POLR1C: variants seen among roughly 807,000 people sequenced by gnomAD.
The protein encoded by POLR1C is DNA-directed RNA polymerases I and III subunit RPAC1.
Under a neutral mutation model 38.3 loss-of-function variants are expected in POLR1C, and 42 were observed. That is an observed-to-expected ratio of 1.10 (90% CI 0.86 to 1.42). POLR1C has a LOEUF of 1.42. Ranked by LOEUF, POLR1C falls within the 40% of genes most tolerant of loss-of-function variation. The pLI, the probability that POLR1C is intolerant of heterozygous loss-of-function variation, is 0.00. For synonymous variants in POLR1C, 163 were observed against 163.9 expected (o/e 0.99, Z 0.04); for missense variants, 507 against 450.5 (o/e 1.13, Z -1.14).
At chr6:43,539,587 G>A in intron 9 of POLR1C, 1 of 1,369,658 alleles carries the variant, frequency 7.3e-7, no homozygotes, top group Non-Finnish European at 1.0e-6. Context: ...CCGGTCCACG[G>A]CTGCGACCCC....
intron 9 of POLR1C, among the ~76,000 whole-genome samples, chr6:43,550,746 CT>C (rs1300836655): frequency 6.6e-6 from 1 of 152,170 alleles, no homozygotes; most frequent in African/African-American, 2.4e-5. Context: ...AATACTCATG[CT>C]TTCTCTTCTT....
chr6:43,517,140 C>T lies in POLR1C; in HGVS notation c.31C>T (p.Arg11Trp), dbSNP rs1456986600. Residue 11 changes from arginine (R) to tryptophan (W), a missense_variant, in exon 1 of 9, where the codon CGG (arginine) becomes TGG (tryptophan). Arg to Trp is a moderately radical substitution (Grantham distance 101). Coordinates refer to ENST00000642195, the MANE Select transcript of POLR1C (RefSeq NM_203290.4). The part of the protein sequence containing the change: MAASQAVEEM[R>W]SRVVLGEFGV... ...GGCTTCTCAGGCGGTGGAGGAAATG[C>T]GGAGCCGCGTGGTTCTGGGGGAGTT... 1.9e-6 allele frequency: 3 copies of T among 1,614,112 alleles called. No homozygotes were observed. In the East Asian group the frequency reaches 6.7e-5, roughly 36 times the overall value.
At chr6:43,517,634 T>C (rs1397829912) in intron 2 of POLR1C, among the ~76,000 whole-genome samples, 1 of 152,036 alleles carries the variant, frequency 6.6e-6, no homozygotes, top group Non-Finnish European at 1.5e-5. Context: ...TTGATAGCGA[T>C]GAAGACGGCA....
At chr6:43,520,235 G>A (rs989283512) in intron 5 of POLR1C, 40 bp from the exon 6 acceptor site, 4 of 1,613,884 alleles carry the variant, frequency 2.5e-6, no homozygotes, top group Middle Eastern at 1.6e-4. Flanking sequence ...GTAGCTGCTA[G>A]TTTTAGGGAC....
intron 2 of POLR1C, among the ~76,000 whole-genome samples, chr6:43,517,602 T>G (rs1204469103): frequency 6.6e-6 from 1 of 152,012 alleles, no homozygotes; most frequent in African/African-American, 2.4e-5. Flanking sequence ...ACAGTGAATC[T>G]AGTGTAATAT....
At chr6:43,528,209 G>A (rs1199499710) in intron 8 of POLR1C, 2 of 1,588,712 alleles carry the variant, frequency 1.3e-6, no homozygotes, top group Admixed American at 1.8e-5. Flanking sequence ...AAAGCCTCTG[G>A]GAAAACACAA....
At position 43,519,470 on chromosome 6, in the gene POLR1C, G is replaced by A. The variant is rs569820261; in HGVS notation, c.249+30G>A. The stretch of plus-strand genomic sequence containing the variant: ...TGGCAGGCATGGTGACAAGGCTGGA[G>A]TTGCTTTGGGAACTGCACTGACACC... On this transcript the variant is annotated intron_variant, in intron 3 of 8. Coordinates refer to ENST00000642195, the MANE Select transcript of POLR1C (RefSeq NM_203290.4). 6 of 1,529,100 alleles carry A rather than the reference G, an allele frequency of 3.9e-6. No individual in the cohort carries two copies. In the Admixed American group the frequency reaches 1.0e-4, roughly 26 times the overall value. The allele number at this position is 1,529,100 out of a possible 1,614,324, so 94.7% of individuals were successfully genotyped here. A position where few individuals can be genotyped will look rare whatever the true frequency, so the allele number is the denominator to read the frequency against.
rs1225523501 is a variant in POLR1C at position 43,534,625 on chromosome 6, G to A, written c.*4+5266G>A. Among the ~76,000 whole-genome samples, 6 of 152,250 alleles carry A rather than the reference G, an allele frequency of 3.9e-5. No individual in the cohort carries two copies. The East Asian group carries it at 1.2e-3, about 29-fold the overall frequency. On this transcript the variant is annotated intron_variant, in intron 9 of 10. Coordinates refer to the POLR1C transcript ENST00000607635. ...AATGACCCCACTGAACAAACTGATG[G>A]CTACACGTTTAAGATGCAAACTGAA... is the stretch of plus-strand genomic sequence containing the variant.
downstream of POLR1C, chr6:43,526,104 G>A (rs1411192909): frequency 6.7e-6 from 4 of 601,450 alleles, no homozygotes; most frequent in African/African-American, 7.4e-5. Context: ...TTCTAGAGAT[G>A]CACTCAAGCT....
chr6:43,556,469 T>C (rs1172366517), intron 10 of POLR1C, among the ~76,000 whole-genome samples: 2 of 148,622 alleles, frequency 1.3e-5, no homozygotes, highest in African/African-American at 5.0e-5. Flanking sequence ...AAGATTGTAG[T>C]GAGCCATGAT....
intron 8 of POLR1C, among the ~76,000 whole-genome samples, chr6:43,527,987 C>T (rs922331681): frequency 6.6e-6 from 1 of 152,198 alleles, no homozygotes; most frequent in African/African-American, 2.4e-5. Flanking sequence ...ATCTCAGAGT[C>T]TGCCTGCTGG....
At chr6:43,560,504 C>T (rs933563938) in intron 10 of POLR1C, among the ~76,000 whole-genome samples, 1 of 152,104 alleles carries the variant, frequency 6.6e-6, no homozygotes, top group African/African-American at 2.4e-5. Context: ...AAGGAAATTA[C>T]CTGGAATGTG....
At chr6:43,534,193 A>T (rs1794173409), downstream of POLR1C, among the ~76,000 whole-genome samples, 1 of 152,186 alleles carries the variant, frequency 6.6e-6, no homozygotes, top group South Asian at 2.1e-4. Context: ...GTATAGATAT[A>T]ATTATCTTAG....
Position 43,526,627 on chromosome 6 carries a change from A to C in POLR1C, c.923-2622A>C, listed in dbSNP as rs1793610734. ...CTGCAAGGAAACTGACCTGGTTCAG[A>C]AGGAACAGTATTTAGGAGGCTAAGA... On this transcript the variant is annotated intron_variant, in intron 8 of 8. Transcript: ENST00000304004. 3 of 1,595,680 alleles carry C rather than the reference A, an allele frequency of 1.9e-6. No individual in the cohort carries two copies. In the South Asian group the frequency reaches 3.4e-5, roughly 18 times the overall value.
chr6:43,517,416 G>A (rs368781264), intron 2 of POLR1C, 39 bp downstream of exon 2: 34 of 1,557,380 alleles, frequency 2.2e-5, no homozygotes, highest in Non-Finnish European at 2.7e-5. Flanking sequence ...GGTTATGAAG[G>A]CCAGACCTTG....
intron 10 of POLR1C, chr6:43,556,023 C>T: frequency 1.3e-6 from 2 of 1,589,098 alleles, no homozygotes; most frequent in Non-Finnish European, 1.7e-6. Flanking sequence ...AAAATAAGTA[C>T]TTAATGTTTA....
intron 8 of POLR1C, among the ~76,000 whole-genome samples, chr6:43,528,667 C>G (rs1334044768): frequency 6.6e-6 from 1 of 152,104 alleles, no homozygotes; most frequent in Non-Finnish European, 1.5e-5. Flanking sequence ...GGGGGCTGCT[C>G]GATCCTACAG....
At chr6:43,553,306 T>C (rs911054953) in intron 10 of POLR1C, 10 of 1,528,308 alleles carry the variant, frequency 6.5e-6, no homozygotes, top group African/African-American at 4.1e-5. Flanking sequence ...CGTCCCAAAA[T>C]AGAAAGAGAA....
chr6:43,525,201 G>A (rs527438448), downstream of POLR1C: 111 of 1,577,312 alleles, frequency 7.0e-5, no homozygotes, highest in Non-Finnish European at 8.6e-5. Context: ...AATTAATAGC[G>A]CTGTACAAAC....
Sources: gnomAD v4.1 joint callset for allele counts (sites outside exome capture counted in the v4.1 genomes callset) on GRCh38, gnomAD v4.1.1 for gene constraint, MANE v1.5 for transcripts, NCBI Gene and HGNC (gene_info 2026-07-23, HGNC 2026-07-21) for gene names.